Variants in HIKESHI observed in about 807,000 individuals in gnomAD.
HIKESHI encodes the protein protein Hikeshi.
In HIKESHI, 13 loss-of-function variants were observed where a neutral mutation model predicts 25.7. That is an observed-to-expected ratio of 0.51 (90% CI 0.33 to 0.80). The LOEUF is 0.80. Ranked by LOEUF, HIKESHI falls within the 30% of genes least tolerant of loss-of-function variation. The pLI is 0.02. For synonymous variants in HIKESHI, 76 were observed against 78.7 expected (o/e 0.97, Z 0.18); for missense variants, 174 against 229.5 (o/e 0.76, Z 1.56).
In HIKESHI at chr11:86,344,735, T is replaced by G; in HGVS notation, c.539+14T>G. On this transcript the variant is annotated intron_variant, in intron 4 of 4. Transcript: ENST00000278483. ...GGTTCTGAAATGGTATGAGGCATTTTCTGTCTCCAATATTAAGGCTTTTTA... is the reference window on the plus strand; with the variant it reads ...GGTTCTGAAATGGTATGAGGCATTTGCTGTCTCCAATATTAAGGCTTTTTA... 1 of 1,502,774 alleles carries G rather than the reference T, an allele frequency of 6.7e-7. No homozygotes were observed. Among genetic ancestry groups the G allele is most frequent in the Non-Finnish European group, 9.3e-7 (1 of 1,079,612 alleles). 93.1% of individuals were successfully genotyped at this position (1,502,774 alleles called of 1,614,324 possible).
chr11:86,332,046 C>T (rs1418978766), intron 2 of HIKESHI, among the ~76,000 whole-genome samples: 5 of 150,670 alleles, frequency 3.3e-5, no homozygotes, highest in South Asian at 2.1e-4. Context: ...AGTGGCACTC[C>T]GCCTCCTGTG....
intron 2 of HIKESHI, among the ~76,000 whole-genome samples, chr11:86,326,265 T>C (rs1481960355): frequency 1.3e-5 from 2 of 151,964 alleles, no homozygotes; most frequent in African/African-American, 2.4e-5. Context: ...GCCACCACTC[T>C]CCAGCCTGGG....
chr11:86,309,354 ACATACATGTCTTCTTTTGAG>A, intron 2 of HIKESHI, among the ~76,000 whole-genome samples: 2 of 152,134 alleles, frequency 1.3e-5, no homozygotes, highest in Non-Finnish European at 2.9e-5. Context: ...TCTGTTGGCT[ACATACATGTCTTCTTTTGAG>A]AAGTGTGTGT....
At chr11:86,316,067 C>T (rs1266840459) in intron 2 of HIKESHI, among the ~76,000 whole-genome samples, 4 of 142,090 alleles carry the variant, frequency 2.8e-5, no homozygotes, top group African/African-American at 8.0e-5. Context: ...ATTACTTGAG[C>T]CTAGGAGTCC....
At chr11:86,313,066 G>T (rs1197016587) in intron 2 of HIKESHI, among the ~76,000 whole-genome samples, 3 of 152,066 alleles carry the variant, frequency 2.0e-5, no homozygotes, top group African/African-American at 7.2e-5. Flanking sequence ...GAGTATCTTT[G>T]TGTTGTTTGC....
chr11:86,344,461 C>T (rs900668476), intron 3 of HIKESHI, 142 bp from the exon 4 acceptor site: 3 of 518,964 alleles, frequency 5.8e-6, no homozygotes, highest in Non-Finnish European at 9.9e-6. Flanking sequence ...AGCCACCGCA[C>T]CCAGCCAGCT....
At chr11:86,337,682 G>T in intron 3 of HIKESHI, 152 bp downstream of exon 3, 2 of 959,786 alleles carry the variant, frequency 2.1e-6, no homozygotes, top group Non-Finnish European at 3.0e-6. Context: ...TTGAGAGATG[G>T]AGTCTTGCTC....
chr11:86,331,522 A>G (rs1947424988), intron 2 of HIKESHI, among the ~76,000 whole-genome samples: 1 of 152,126 alleles, frequency 6.6e-6, no homozygotes, highest in Admixed American at 6.6e-5. Flanking sequence ...TAATGAAACC[A>G]GTTCAGAATG....
chr11:86,339,092 C>T (rs1044131109), intron 3 of HIKESHI, among the ~76,000 whole-genome samples: 1 of 152,198 alleles, frequency 6.6e-6, no homozygotes, highest in African/African-American at 2.4e-5. Context: ...GTCGCCCAGG[C>T]TGGAGTGCAG....
intron 2 of HIKESHI, among the ~76,000 whole-genome samples, chr11:86,335,127 T>G (rs995517285): frequency 6.6e-6 from 1 of 152,182 alleles, no homozygotes; most frequent in Non-Finnish European, 1.5e-5. Flanking sequence ...TTCCTGGTAC[T>G]GATATAGGGA....
At chr11:86,314,270 C>T (rs1593821461) in intron 2 of HIKESHI, among the ~76,000 whole-genome samples, 1 of 152,096 alleles carries the variant, frequency 6.6e-6, no homozygotes, top group East Asian at 1.9e-4. Flanking sequence ...ACAGTTCTAC[C>T]TCCTCACAGA....
At chr11:86,306,690 G>A (rs921300798) in intron 2 of HIKESHI, among the ~76,000 whole-genome samples, 2 of 151,926 alleles carry the variant, frequency 1.3e-5, no homozygotes, top group Non-Finnish European at 2.9e-5. Flanking sequence ...ATTTTGTGTA[G>A]TATAACCTTC....
chr11:86,307,130 A>T (rs1304022525), intron 2 of HIKESHI, among the ~76,000 whole-genome samples: 1 of 119,278 alleles, frequency 8.4e-6, no homozygotes, highest in East Asian at 2.6e-4. Context: ...TATGTATAAT[A>T]TACATCATAT....
intron 2 of HIKESHI, among the ~76,000 whole-genome samples, chr11:86,329,180 G>A (rs58014336): frequency 0.1 from 12,905 of 128,506 alleles, 814 homozygotes; most frequent in African/African-American, 0.2. Context: ...AAAGGAAAAC[G>A]TGATGAGTTA....
At chr11:86,337,246 C>A in intron 2 of HIKESHI, 133 bp from the exon 3 acceptor site, 1 of 794,712 alleles carries the variant, frequency 1.3e-6, no homozygotes, top group Non-Finnish European at 2.0e-6. Flanking sequence ...TTGCATTTAT[C>A]TGAAAAGAGG....
In HIKESHI at chr11:86,307,956, T is replaced by TA. The variant is rs1565719979; in HGVS notation, c.268+1475dup. On this transcript the variant is annotated intron_variant, in intron 2 of 4. Coordinates refer to ENST00000278483, the MANE Select transcript of HIKESHI (RefSeq NM_016401.4). ...TAAAATATATATTATGTGTAATATATATTATATAAAATATATATGTGTAAT... is the reference window on the plus strand; with the variant it reads ...TAAAATATATATTATGTGTAATATATAATTATATAAAATATATATGTGTAAT... 8.6e-5 allele frequency among the ~76,000 whole-genome samples: 5 copies of TA among 58,304 alleles called. 1 individual carries two copies. The highest frequency in any genetic ancestry group is 4.5e-4 in the African/African-American group (5 of 11,024). 38.2% of individuals were successfully genotyped at this position (58,304 alleles called of 152,430 possible). A position where few individuals can be genotyped will look rare whatever the true frequency, so the allele number is the denominator to read the frequency against.
At position 86,302,366 on chromosome 11, in the gene HIKESHI, C is replaced by T; in HGVS notation, c.-83C>T. On this transcript the variant is annotated 5_prime_UTR_variant, in exon 1 of 5. Transcript: ENST00000278483. Reference sequence around the variant, plus strand: ...ACCCTCCCGCAAATTCTGGAAGGTTCTTAGTCTCGACTAGGGCAGTAGCCC... The same window carrying T: ...ACCCTCCCGCAAATTCTGGAAGGTTTTTAGTCTCGACTAGGGCAGTAGCCC... 6.6e-7 allele frequency: 1 copy of T among 1,523,332 alleles called. No homozygotes were observed. Among genetic ancestry groups the T allele is most frequent in the South Asian group, 1.2e-5 (1 of 83,230 alleles). The allele number at this position is 1,523,332 out of a possible 1,614,324, so 94.4% of individuals were successfully genotyped here.
intron 3 of HIKESHI, among the ~76,000 whole-genome samples, chr11:86,343,184 A>C (rs546998583): frequency 2.5e-4 from 38 of 152,110 alleles, no homozygotes; most frequent in South Asian, 1.7e-3. Flanking sequence ...AAATCTTACT[A>C]GTTTGTCTTA....
At chr11:86,335,256 C>T (rs1054895184) in intron 2 of HIKESHI, among the ~76,000 whole-genome samples, 2 of 152,128 alleles carry the variant, frequency 1.3e-5, no homozygotes, top group Non-Finnish European at 2.9e-5. Context: ...ACTTGGAACT[C>T]TTCATGGAAA....
Sources: gnomAD v4.1 joint callset for allele counts (sites outside exome capture counted in the v4.1 genomes callset) on GRCh38, gnomAD v4.1.1 for gene constraint, MANE v1.5 for transcripts, NCBI Gene and HGNC (gene_info 2026-07-23, HGNC 2026-07-21) for gene names.